Variants in GBE1 observed in about 807,000 individuals in gnomAD.
GBE1 encodes the protein 1,4-alpha-glucan-branching enzyme.
A neutral mutation model predicts 88.8 loss-of-function variants in GBE1; 70 were observed. That is an observed-to-expected ratio of 0.79 (90% CI 0.65 to 0.96). GBE1 has a LOEUF of 0.96. Ranked by LOEUF, GBE1 falls within the 40% of genes least tolerant of loss-of-function variation. The pLI is 0.00. For synonymous variants in GBE1, 284 were observed against 300.1 expected (o/e 0.95, Z 0.56); for missense variants, 872 against 871.0 (o/e 1.00, Z -0.01).
rs149134397 is a variant in GBE1 at position 81,728,473 on chromosome 3, C to T, written c.144-22860G>A. On this transcript the variant is annotated intron_variant, in intron 1 of 15. Transcript: ENST00000429644. ...GCAAAATCACATCATCCAACTTTTC[C>T]TCTAAGAGCCAAGAGAGGCAGGTAA... Among the ~76,000 whole-genome samples the T allele has an allele frequency of 2.3e-3, 350 of 152,222 alleles. 8 individuals carry two copies. In the East Asian group the frequency reaches 0.042, roughly 18 times the overall value.
chr3:81,601,435 A>G (rs1048629547), intron 7 of GBE1, among the ~76,000 whole-genome samples: 2 of 152,166 alleles, frequency 1.3e-5, no homozygotes, highest in African/African-American at 4.8e-5. Context: ...TTGTCCTGGT[A>G]CAACATCTTT....
chr3:81,502,142 A>T (rs1384714831), intron 14 of GBE1, among the ~76,000 whole-genome samples: 1 of 152,112 alleles, frequency 6.6e-6, no homozygotes, highest in African/African-American at 2.4e-5. Context: ...CTTTTCCCAC[A>T]ATAAAGTACA....
At chr3:81,649,408 A>C (rs937510496) in intron 4 of GBE1, among the ~76,000 whole-genome samples, 11 of 152,116 alleles carry the variant, frequency 7.2e-5, no homozygotes, top group Admixed American at 4.6e-4. Flanking sequence ...TAATACATTC[A>C]TGAGATGGTC....
At chr3:81,584,602 T>A (rs920937876) in intron 10 of GBE1, among the ~76,000 whole-genome samples, 4 of 151,934 alleles carry the variant, frequency 2.6e-5, no homozygotes, top group African/African-American at 9.7e-5. Flanking sequence ...GAATTTACAA[T>A]CTAAAACAGG....
At chr3:81,604,078 C>T (rs983139088) in intron 7 of GBE1, among the ~76,000 whole-genome samples, 5 of 151,992 alleles carry the variant, frequency 3.3e-5, no homozygotes, top group African/African-American at 1.2e-4. Context: ...ATATGAATGC[C>T]ATGTGAGAGA....
chr3:81,568,202 C>T lies in GBE1; in HGVS notation c.1618+9723G>A, dbSNP rs145714634. 1.5e-3 allele frequency among the ~76,000 whole-genome samples: 224 copies of T among 152,196 alleles called. 2 individuals carry two copies. The highest frequency in any genetic ancestry group is 5.2e-3 in the African/African-American group (217 of 41,518). ...TCGCTCTGGCACCCAGGCTGGAGTG[C>T]AGTGGCACGATCTGGTCTCACTGCA... On this transcript the variant is annotated intron_variant, in intron 12 of 15. Coordinates refer to ENST00000429644, the MANE Select transcript of GBE1 (RefSeq NM_000158.4).
chr3:81,490,704 T>C (rs1177998904), intron 15 of GBE1, among the ~76,000 whole-genome samples: 2 of 151,998 alleles, frequency 1.3e-5, no homozygotes, highest in Admixed American at 6.6e-5. Context: ...CAATGCTCCT[T>C]ACACAAGAAT....
chr3:81,744,029 G>A (rs1260421956), intron 1 of GBE1, among the ~76,000 whole-genome samples: 1 of 152,098 alleles, frequency 6.6e-6, no homozygotes, highest in Non-Finnish European at 1.5e-5. Context: ...AATTACCTCT[G>A]TTATGAACAC....
chr3:81,579,919 G>C (rs534979566), intron 11 of GBE1, among the ~76,000 whole-genome samples: 1 of 152,072 alleles, frequency 6.6e-6, no homozygotes, highest in African/African-American at 2.4e-5. Context: ...AGGAGAATAC[G>C]TAAACAAATC....
At chr3:81,731,906 T>C (rs1205793570) in intron 1 of GBE1, among the ~76,000 whole-genome samples, 2 of 152,116 alleles carry the variant, frequency 1.3e-5, no homozygotes, top group East Asian at 3.9e-4. Context: ...TGTGAGAACA[T>C]ACTAATACAA....
intron 1 of GBE1, among the ~76,000 whole-genome samples, chr3:81,715,860 G>T (rs1705930448): frequency 1.3e-5 from 2 of 151,864 alleles, no homozygotes; most frequent in Admixed American, 6.6e-5. Flanking sequence ...AATAAGAAAT[G>T]AAGATCTCAT....
intron 7 of GBE1, among the ~76,000 whole-genome samples, chr3:81,626,877 G>C (rs1183014388): frequency 3.9e-5 from 6 of 152,004 alleles, no homozygotes; most frequent in African/African-American, 1.4e-4. Flanking sequence ...CAAGAATTTT[G>C]ATTCTAAAGA....
chr3:81,714,684 T>C (rs948453178), intron 1 of GBE1, among the ~76,000 whole-genome samples: 13 of 152,234 alleles, frequency 8.5e-5, no homozygotes, highest in Non-Finnish European at 1.5e-4. Flanking sequence ...GGCCAGATAC[T>C]GCATGTCTTG....
At chr3:81,511,862 T>C (rs1421669117) in intron 14 of GBE1, among the ~76,000 whole-genome samples, 1 of 138,228 alleles carries the variant, frequency 7.2e-6, no homozygotes, top group African/African-American at 2.9e-5. Context: ...TAAATTGTCC[T>C]ACAAGAAAAA....
intron 14 of GBE1, among the ~76,000 whole-genome samples, chr3:81,513,393 C>T (rs1020499552): frequency 2.6e-5 from 4 of 151,142 alleles, no homozygotes; most frequent in African/African-American, 4.8e-5. Flanking sequence ...ATCACTGTGT[C>T]GTGGTGAAAT....
In GBE1 at chr3:81,636,105, A is replaced by G. The variant is rs186873203; in HGVS notation, c.992+6676T>C. On this transcript the variant is annotated intron_variant, in intron 7 of 15. Coordinates refer to ENST00000429644, the MANE Select transcript of GBE1 (RefSeq NM_000158.4). ...TCTGCTAGACTGAGTAATCTCATAA[A>G]CCCTGTGAGAGAAGTTATATTTCTA... is the stretch of plus-strand genomic sequence containing the variant. 2.4e-3 allele frequency among the ~76,000 whole-genome samples: 367 copies of G among 152,284 alleles called. 5 individuals carry two copies. Among genetic ancestry groups the G allele is most frequent in the African/African-American group, 8.5e-3 (352 of 41,570 alleles).
rs756129254 is a variant in GBE1, at chr3:81,586,144, C to T, written c.1283G>A (p.Gly428Glu). The T allele has an allele frequency of 1.2e-6, 2 of 1,609,854 alleles. No individual in the cohort carries two copies. Among genetic ancestry groups the T allele is most frequent in the African/African-American group, 1.3e-5 (1 of 74,752 alleles). ...GGCTAGTCGATAGTCAAAACCACCC[C>T]CTCCCTGGGAAATTGGAGAGCACAG... Reference protein sequence around the residue: ...PALCSPISQGGGGFDYRLAMA... With the variant: ...PALCSPISQGEGGFDYRLAMA... The change falls in exon 10 of 16, where the codon GGG (glycine) becomes GAG (glutamate). Residue 428 changes from glycine (G) to glutamate (E), a missense_variant. By Grantham distance (98) the Gly-to-Glu change is moderately conservative. Transcript: ENST00000429644.
intron 12 of GBE1, among the ~76,000 whole-genome samples, chr3:81,555,546 A>G (rs1364598874): frequency 6.6e-6 from 1 of 152,196 alleles, no homozygotes; most frequent in Non-Finnish European, 1.5e-5. Flanking sequence ...TGCCATCTGG[A>G]GGTGCTCATC....
intron 2 of GBE1, among the ~76,000 whole-genome samples, chr3:81,674,859 T>C (rs1194136165): frequency 6.6e-6 from 1 of 151,862 alleles, no homozygotes. Flanking sequence ...GACCTGAGGA[T>C]GGAAATAAAC....
Sources: gnomAD v4.1 joint callset for allele counts (sites outside exome capture counted in the v4.1 genomes callset) on GRCh38, gnomAD v4.1.1 for gene constraint, MANE v1.5 for transcripts, NCBI Gene and HGNC (gene_info 2026-07-23, HGNC 2026-07-21) for gene names.